Variants in ESPN observed in about 807,000 individuals in gnomAD.
ESPN encodes espin, also known as autosomal recessive deafness type 36 protein.
In ESPN, 68 loss-of-function variants were observed where a neutral mutation model predicts 77.7. The ratio of observed to expected loss-of-function variants is 0.87; its 90% confidence interval spans 0.72 to 1.07. The LOEUF is 1.07. ESPN is among the 50% of genes least tolerant of loss of function. The pLI, the probability that ESPN is intolerant of heterozygous loss-of-function variation, is 0.00. For missense variants in ESPN, 1,060 were observed against 1,239.0 expected (o/e 0.86, Z 2.17); for synonymous variants, 449 against 567.1 (o/e 0.79, Z 2.96).
chr1:6,451,702 A>C lies in ESPN; in HGVS notation c.2015A>C (p.Lys672Thr). 6.2e-7 allele frequency: 1 copy of C among 1,613,052 alleles called. No homozygotes were observed. The highest frequency in any genetic ancestry group is 8.5e-7 in the Non-Finnish European group (1 of 1,179,910). ...AGCCTGAAGCCGACGCCCCAGAGCA[A>C]GGGGCTGACCACAGTGTTCTCAGGC... ...GKSLKPTPQS[K>T]GLTTVFSGIG... Residue 672 changes from lysine (K) to threonine (T), a missense_variant, in exon 9 of 13, where the codon AAG becomes ACG. Around this residue, in one of 3 missense-constraint regions of ESPN, gnomAD observed 374 missense variants for 381.4 expected, o/e 0.98. Coordinates refer to ENST00000645284, the MANE Select transcript of ESPN (RefSeq NM_031475.3). The surrounding 1 kb of genome is among the most constrained non-coding windows in gnomAD (Gnocchi z 4.3).
chr1:6,456,020 GCCCCCGCCCGCCGCGCCT>G, intron 10 of ESPN: 1 of 393,750 alleles, frequency 2.5e-6, no homozygotes, highest in Non-Finnish European at 4.5e-6. Flanking sequence ...CGCCGCCGCC[GCCCCCGCCCGCCGCGCCT>G]CCCCCGACCT....
At chr1:6,429,021 C>G (rs1023562516) in intron 2 of ESPN, among the ~76,000 whole-genome samples, 1 of 148,042 alleles carries the variant, frequency 6.8e-6, no homozygotes, top group Non-Finnish European at 1.5e-5. Context: ...TCCCAAACCT[C>G]CTGGGGAGTG....
At chr1:6,433,301 G>A (rs1339809930) in intron 2 of ESPN, among the ~76,000 whole-genome samples, 6 of 151,902 alleles carry the variant, frequency 3.9e-5, no homozygotes, top group East Asian at 3.9e-4. Context: ...AAAATTAGCC[G>A]GGCATGGTGG....
At chr1:6,446,999 AG>A in intron 7 of ESPN, 1 of 152,392 alleles carries the variant, frequency 6.6e-6, no homozygotes, top group Non-Finnish European at 1.5e-5. Context: ...TGGGAGGCAG[AG>A]GGGGCCCTGG....
rs1052579464 is a variant in ESPN, at chr1:6,445,481, G to C, written c.1193-183G>C. ...GTCTTCCCCCAGTAAGTGCTGGGCT[G>C]GGGCAGGGTAGGGCCAGGGAGGGGA... On this transcript the variant is annotated intron_variant, in intron 6 of 12. Transcript: ENST00000645284. The C allele has an allele frequency of 3.0e-4, 206 of 694,896 alleles. No individual in the cohort carries two copies. The African/African-American group carries it at 3.2e-3, about 11-fold the overall frequency. 43.0% of individuals were successfully genotyped at this position (694,896 alleles called of 1,614,324 possible).
In ESPN at chr1:6,427,121, C is replaced by T. The variant is rs571075011; in HGVS notation, c.295-1105C>T. Among the ~76,000 whole-genome samples the T allele has an allele frequency of 1.2e-4, 19 of 152,174 alleles. No homozygotes were observed. Among genetic ancestry groups the T allele is most frequent in the Middle Eastern group, 3.4e-3 (1 of 294 alleles). On this transcript the variant is annotated intron_variant, in intron 1 of 12. Coordinates refer to ENST00000645284, the MANE Select transcript of ESPN (RefSeq NM_031475.3). This position sits in a 1 kb window ranked among gnomAD's most constrained non-coding sequence, Gnocchi z 4.6. Reference sequence around the variant, plus strand: ...CCTGGGGTCTCTTGCCAGCTCCTGCCGCCTCTGCCAGTCTGTAACCACAGT... The same window carrying T: ...CCTGGGGTCTCTTGCCAGCTCCTGCTGCCTCTGCCAGTCTGTAACCACAGT...
chr1:6,459,252 A>G (rs1644111361), intron 12 of ESPN, among the ~76,000 whole-genome samples: 1 of 151,662 alleles, frequency 6.6e-6, no homozygotes, highest in South Asian at 2.1e-4. Flanking sequence ...ATTAAAAAAA[A>G]AAAAAATAGC....
chr1:6,439,824 A>G (rs1440261289), intron 2 of ESPN, among the ~76,000 whole-genome samples: 1 of 152,196 alleles, frequency 6.6e-6, no homozygotes, highest in Non-Finnish European at 1.5e-5. Flanking sequence ...CCTGGTCAAC[A>G]TGGTGAAACC....
At position 6,428,406 on chromosome 1, in the gene ESPN, G is replaced by T. The variant is rs397833067; in HGVS notation, c.475G>T (p.Glu159Ter). 1 of 1,611,762 alleles carries T rather than the reference G, an allele frequency of 6.2e-7. No homozygotes were observed. The highest frequency in any genetic ancestry group is 8.5e-7 in the Non-Finnish European group (1 of 1,178,996). ...CTTCCCCTCCCTGAGGCTTCTCGTCGAGCACTACCCTGAGTAAGATCACCC... is the reference window on the plus strand; with the variant it reads ...CTTCCCCTCCCTGAGGCTTCTCGTCTAGCACTACCCTGAGTAAGATCACCC... ...GDFPSLRLLV[E>*]HYPEGVNAQT... The change falls in exon 2 of 13, where the codon GAG becomes TAG. Residue 159 changes from glutamate (E) to a stop codon, truncating the protein, a stop_gained. Coordinates refer to ENST00000645284, the MANE Select transcript of ESPN (RefSeq NM_031475.3). LOFTEE classifies it high-confidence loss of function. This position sits in a 1 kb window ranked among gnomAD's most constrained non-coding sequence, Gnocchi z 5.4.
chr1:6,428,127 A>G lies in ESPN; in HGVS notation c.295-99A>G, dbSNP rs1482237992. 1 of 1,295,202 alleles carries G rather than the reference A, an allele frequency of 7.7e-7. No individual in the cohort carries two copies. Among genetic ancestry groups the G allele is most frequent in the Non-Finnish European group, 1.1e-6 (1 of 894,464 alleles). 80.2% of individuals were successfully genotyped at this position (1,295,202 alleles called of 1,614,324 possible). ...AATCCCTCCAGGGAAGACAGAGAGC[A>G]CAGAGCTACCTTCCAGGCCTGTGGG... On this transcript the variant is annotated intron_variant, in intron 1 of 12. Transcript: ENST00000645284. The surrounding 1 kb of genome is among the most constrained non-coding windows in gnomAD (Gnocchi z 5.4).
At chr1:6,432,588 G>C (rs1457478134) in intron 2 of ESPN, among the ~76,000 whole-genome samples, 4 of 152,218 alleles carry the variant, frequency 2.6e-5, no homozygotes, top group African/African-American at 9.6e-5. Flanking sequence ...CCTTCTAAGG[G>C]GGAGAGCTGA....
chr1:6,461,142 A>G (rs538113260), downstream of ESPN: 13 of 645,252 alleles, frequency 2.0e-5, no homozygotes, highest in African/African-American at 2.0e-4. This position sits in a 1 kb window ranked among gnomAD's most constrained non-coding sequence, Gnocchi z 6.3. Context: ...CAGAAACGCC[A>G]AGAAGCCGTT....
At chr1:6,426,418 G>A (rs1643034875) in intron 1 of ESPN, among the ~76,000 whole-genome samples, 6 of 151,186 alleles carry the variant, frequency 4.0e-5, no homozygotes, top group Admixed American at 3.9e-4. Context: ...GAAGCAGGTG[G>A]CCTTGGGCCC....
At chr1:6,440,216 G>A (rs1268282924) in intron 2 of ESPN, 38 bp from the exon 3 acceptor site, 11 of 1,541,058 alleles carry the variant, frequency 7.1e-6, no homozygotes, top group African/African-American at 1.4e-5. Flanking sequence ...GAGGGGGTGA[G>A]GCGCTGAAAG....
At position 6,450,450 on chromosome 1, in the gene ESPN, G is replaced by A. The variant is rs1436682633; in HGVS notation, c.1916-1153G>A. The A allele has an allele frequency of 1.7e-5, 17 of 977,526 alleles. No homozygotes were observed. The highest frequency in any genetic ancestry group is 1.9e-5 in the Non-Finnish European group (16 of 822,528). 60.6% of individuals were successfully genotyped at this position (977,526 alleles called of 1,614,324 possible). A position where few individuals can be genotyped will look rare whatever the true frequency, so the allele number is the denominator to read the frequency against. Reference sequence around the variant, plus strand: ...CTCTCCTCTTGGTCCCTAGAAGTGAGAGTCCTGAGGCACAGGAAGAGTGAG... The same window carrying A: ...CTCTCCTCTTGGTCCCTAGAAGTGAAAGTCCTGAGGCACAGGAAGAGTGAG... On this transcript the variant is annotated intron_variant, in intron 8 of 12. Coordinates refer to ENST00000645284, the MANE Select transcript of ESPN (RefSeq NM_031475.3). This position sits in a 1 kb window ranked among gnomAD's most constrained non-coding sequence, Gnocchi z 4.3.
At chr1:6,444,728 C>G in intron 6 of ESPN, 46 bp downstream of exon 6, 4 of 1,601,442 alleles carry the variant, frequency 2.5e-6, no homozygotes, top group Non-Finnish European at 3.4e-6. Flanking sequence ...CAGACTGAAG[C>G]CAGACTGCTG....
chr1:6,426,126 C>T (rs1228255245), intron 1 of ESPN, among the ~76,000 whole-genome samples: 1 of 152,142 alleles, frequency 6.6e-6, no homozygotes, highest in Admixed American at 6.5e-5. Context: ...ACTTAGACCA[C>T]TGGGTGACCT....
At chr1:6,426,472 G>A (rs915451885) in intron 1 of ESPN, among the ~76,000 whole-genome samples, 2 of 146,468 alleles carry the variant, frequency 1.4e-5, no homozygotes, top group Non-Finnish European at 3.0e-5. Flanking sequence ...GCTTGGGTGT[G>A]GGGGGAGAAA....
At chr1:6,458,100 C>A (rs1284855062) in intron 12 of ESPN, among the ~76,000 whole-genome samples, 1 of 151,860 alleles carries the variant, frequency 6.6e-6, no homozygotes, top group Non-Finnish European at 1.5e-5. Context: ...GCTCATGCAA[C>A]CTCTGCCTCC....
Sources: gnomAD v4.1 joint callset for allele counts (sites outside exome capture counted in the v4.1 genomes callset) on GRCh38, gnomAD v4.1.1 for gene constraint, gnomAD v4.1.1 regional missense constraint, Gnocchi (gnomAD v3.1) non-coding constraint, MANE v1.5 for transcripts, NCBI Gene and HGNC (gene_info 2026-07-23, HGNC 2026-07-21) for gene names.